Variants in SCLT1 observed in about 807,000 individuals in gnomAD.
SCLT1 encodes the protein sodium channel and clathrin linker 1.
In SCLT1, 78 loss-of-function variants were observed where a neutral mutation model predicts 112.8. The observed-to-expected ratio is 0.69, with a 90% CI of 0.58 to 0.83. The LOEUF (loss-of-function observed/expected upper bound fraction) is 0.83, where lower values mean the gene tolerates loss of function less well. SCLT1 is among the 40% of genes least tolerant of loss of function. SCLT1 has a pLI of 0.00. For missense variants in SCLT1, 747 were observed against 770.4 expected, an observed-to-expected ratio of 0.97 and a Z score of 0.36; for synonymous variants, 257 against 254.7, an observed-to-expected ratio of 1.01 and a Z score of -0.09.
intron 9 of SCLT1, among the ~76,000 whole-genome samples, chr4:128,976,129 G>T (rs149557910): frequency 6.6e-6 from 1 of 152,298 alleles, no homozygotes; most frequent in East Asian, 1.9e-4. Context: ...TAGTAGTAGT[G>T]TCCATACTTT....
At chr4:128,943,901 C>T (rs1025849578) in intron 16 of SCLT1, among the ~76,000 whole-genome samples, 4 of 152,088 alleles carry the variant, frequency 2.6e-5, no homozygotes, top group Middle Eastern at 3.2e-3. Flanking sequence ...TATGGAAATG[C>T]TACTAATATT....
chr4:129,070,406 T>G (rs545119098), intron 2 of SCLT1, among the ~76,000 whole-genome samples: 1 of 152,166 alleles, frequency 6.6e-6, no homozygotes, highest in African/African-American at 2.4e-5. Context: ...TTTTTGTTGG[T>G]AATTTTCTAA....
chr4:128,899,022 G>A (rs1472471277), intron 18 of SCLT1, among the ~76,000 whole-genome samples: 1 of 152,118 alleles, frequency 6.6e-6, no homozygotes, highest in Non-Finnish European at 1.5e-5. Context: ...TGAAATTGAG[G>A]CAATAATTCA....
At chr4:129,040,360 G>A (rs1747591669) in intron 4 of SCLT1, 1 of 566,798 alleles carries the variant, frequency 1.8e-6, no homozygotes, top group East Asian at 2.8e-5. Context: ...ATTTATTGTA[G>A]CCATTATCTT....
chr4:128,952,003 G>A (rs938089980), intron 14 of SCLT1, among the ~76,000 whole-genome samples: 2 of 152,020 alleles, frequency 1.3e-5, no homozygotes, highest in East Asian at 3.9e-4. Flanking sequence ...GCAAAACACT[G>A]TACTAGGCAA....
intron 2 of SCLT1, among the ~76,000 whole-genome samples, chr4:129,067,704 G>C (rs1750611317): frequency 6.6e-6 from 1 of 151,976 alleles, no homozygotes. Context: ...TAGAGATGGG[G>C]TTTCACCATG....
intron 5 of SCLT1, among the ~76,000 whole-genome samples, chr4:129,029,661 A>G (rs549251026): frequency 1.1e-4 from 16 of 149,828 alleles, no homozygotes; most frequent in Non-Finnish European, 1.8e-4. Flanking sequence ...CATGTACCCT[A>G]AAACTTAAAA....
intron 5 of SCLT1, among the ~76,000 whole-genome samples, chr4:129,015,337 G>C (rs1220796975): frequency 6.6e-6 from 1 of 152,090 alleles, no homozygotes; most frequent in Non-Finnish European, 1.5e-5. Context: ...CTGCAAGTCA[G>C]GCACGGTCCA....
At chr4:128,995,516 T>C (rs143480619) in intron 8 of SCLT1, among the ~76,000 whole-genome samples, 29 of 152,258 alleles carry the variant, frequency 1.9e-4, no homozygotes, top group Admixed American at 1.9e-3. Flanking sequence ...CTTGACTTTG[T>C]GCTCACGTCC....
At chr4:129,046,401 T>TA (rs891193165) in intron 2 of SCLT1, among the ~76,000 whole-genome samples, 4 of 152,088 alleles carry the variant, frequency 2.6e-5, no homozygotes, top group African/African-American at 9.7e-5. Context: ...TTCCCTATTT[T>TA]AAAAACATTA....
chr4:128,961,410 G>A (rs181365692), intron 11 of SCLT1, among the ~76,000 whole-genome samples: 18 of 152,068 alleles, frequency 1.2e-4, no homozygotes, highest in Non-Finnish European at 1.2e-4. Context: ...AGAGTATGTT[G>A]CATTGATCTA....
intron 5 of SCLT1, among the ~76,000 whole-genome samples, chr4:129,014,195 T>C (rs1744794270): frequency 6.6e-6 from 1 of 150,956 alleles, no homozygotes; most frequent in South Asian, 2.1e-4. Flanking sequence ...CTATTTTTGC[T>C]GGGCAGCTCC....
At chr4:129,090,330 C>T (rs144887201) in intron 1 of SCLT1, among the ~76,000 whole-genome samples, 1,539 of 152,258 alleles carry the variant, frequency 0.01, 15 homozygotes, top group Middle Eastern at 0.051. Flanking sequence ...TAGATCCATA[C>T]ATATATAAAC....
chr4:128,966,790 AT>A (rs1427578435), intron 10 of SCLT1, among the ~76,000 whole-genome samples: 1 of 149,580 alleles, frequency 6.7e-6, no homozygotes, highest in Non-Finnish European at 1.5e-5. Flanking sequence ...AATTCTTAGT[AT>A]TTTTTTTCTT....
rs557135266 is a variant in SCLT1, at chr4:128,893,641, C to G, written c.1830-2504G>C. 2.5e-4 allele frequency among the ~76,000 whole-genome samples: 38 copies of G among 152,254 alleles called. No homozygotes were observed. In the East Asian group the frequency reaches 5.6e-3, roughly 23 times the overall value. ...CACTGCAAGCTCTGCCTCCCAGGCT[C>G]ATGCCATTCTCCTGCCTCAGCCTCC... On this transcript the variant is annotated intron_variant, in intron 18 of 20. Transcript: ENST00000281142.
At chr4:129,061,164 G>GT (rs1330713612) in intron 2 of SCLT1, among the ~76,000 whole-genome samples, 1 of 152,178 alleles carries the variant, frequency 6.6e-6, no homozygotes, top group Non-Finnish European at 1.5e-5. Flanking sequence ...CCATGTAGTG[G>GT]TGACTATAGA....
chr4:128,999,810 G>A lies in SCLT1; in HGVS notation c.427-16C>T. 3 of 1,579,732 alleles carry A rather than the reference G, an allele frequency of 1.9e-6. No homozygotes were observed. Among genetic ancestry groups the A allele is most frequent in the Middle Eastern group, 3.4e-4 (2 of 5,922 alleles). On this transcript the variant is annotated splice_polypyrimidine_tract_variant and intron_variant, in intron 6 of 20. Coordinates refer to ENST00000281142, the MANE Select transcript of SCLT1 (RefSeq NM_144643.4). The stretch of plus-strand genomic sequence containing the variant: ...GAGTTTTTTCCTATTAAAAAAGTTT[G>A]ATAACTCATTAAATTATCAGCAGGC...
chr4:128,997,304 G>C (rs1743095096), intron 8 of SCLT1: 2 of 151,778 alleles, frequency 1.3e-5, no homozygotes, highest in South Asian at 4.2e-4. Context: ...GAAAGAGAGA[G>C]GAATTACCTG....
intron 5 of SCLT1, among the ~76,000 whole-genome samples, chr4:129,029,046 C>T (rs112401715): frequency 0.021 from 3,261 of 151,892 alleles, 100 homozygotes; most frequent in African/African-American, 0.064. Context: ...GGAGAGGATG[C>T]GGAGAAATAG....
Sources: allele counts gnomAD v4.1 joint callset (sites outside exome capture counted in the v4.1 genomes callset), GRCh38; gene constraint gnomAD v4.1.1; transcripts MANE v1.5; gene names NCBI Gene and HGNC (gene_info 2026-07-23, HGNC 2026-07-21).